ABCC6: variants seen among roughly 807,000 people sequenced by gnomAD.
ABCC6 encodes the protein ATP binding cassette subfamily C member 6.
A neutral mutation model predicts 169.5 loss-of-function variants in ABCC6; 126 were observed. The observed-to-expected ratio is 0.74, with a 90% confidence interval of 0.64 to 0.86. The LOEUF (loss-of-function observed/expected upper bound fraction) is 0.86, where lower values mean the gene tolerates loss of function less well. ABCC6 is among the 40% of genes least tolerant of loss of function. The pLI, the probability that ABCC6 is intolerant of heterozygous loss-of-function variation, is 0.00. For synonymous variants in ABCC6, 752 were observed against 814.7 expected (o/e 0.92, Z 1.31); for missense variants, 1,733 against 1,927.2 (o/e 0.90, Z 1.89).
chr16:16,214,539 C>T, intron 4 of ABCC6, 90 bp from the exon 5 acceptor site: 1 of 1,547,272 alleles, frequency 6.5e-7, no homozygotes, highest in Non-Finnish European at 8.7e-7. Context: ...TCAGTGCCCA[C>T]TCTGGGGACC....
intron 21 of ABCC6, among the ~76,000 whole-genome samples, chr16:16,170,662 C>T (rs752207458): frequency 3.6e-4 from 54 of 152,028 alleles, no homozygotes; most frequent in Non-Finnish European, 6.9e-4. Context: ...GTGGCTCATA[C>T]CTGTAAGCAC....
chr16:16,223,133 T>TGG, intron 1 of ABCC6: 1 of 591,858 alleles, frequency 1.7e-6, no homozygotes, highest in Middle Eastern at 4.5e-4. Context: ...TAGGAGGGCT[T>TGG]GGGGGACCCA....
At position 16,150,073 on chromosome 16, in the gene ABCC6, A is replaced by G. The variant is rs1031617166; in HGVS notation, c.*60T>C. The stretch of plus-strand genomic sequence containing the variant: ...CTATCGATGACCACGGGTCACTTCC[A>G]TCTCCAGCACTGCAGGCTGTGCGGG... On this transcript the variant is annotated 3_prime_UTR_variant, in exon 31 of 31. Transcript: ENST00000205557. The G allele has an allele frequency of 1.2e-6, 2 of 1,604,928 alleles. No individual in the cohort carries two copies. The highest frequency in any genetic ancestry group is 1.7e-5 in the Admixed American group (1 of 58,790).
Position 16,150,127 on chromosome 16 carries a change from C to T in ABCC6, c.*6G>A. 1 of 1,612,134 alleles carries T rather than the reference C, an allele frequency of 6.2e-7. No homozygotes were observed. Among genetic ancestry groups the T allele is most frequent in the Non-Finnish European group, 8.5e-7 (1 of 1,179,972 alleles). Reference sequence around the variant, plus strand: ...GTCCAACTGGGGTACGGTTGAGGGTCCTGGCTCAGACCAGGCCTGACTCCT... The same window carrying T: ...GTCCAACTGGGGTACGGTTGAGGGTTCTGGCTCAGACCAGGCCTGACTCCT... On this transcript the variant is annotated 3_prime_UTR_variant, in exon 31 of 31. Transcript: ENST00000205557.
chr16:16,150,147 A>T lies in ABCC6; in HGVS notation c.4498T>A (p.Ser1500Thr). 6.2e-7 allele frequency: 1 copy of T among 1,612,506 alleles called. No individual in the cohort carries two copies. Among genetic ancestry groups the T allele is most frequent in the Non-Finnish European group, 8.5e-7 (1 of 1,179,966 alleles). The change falls in exon 31 of 31, where the codon TCA (serine) becomes ACA (threonine). Residue 1500 changes from serine (S) to threonine (T), a missense_variant. Transcript: ENST00000205557. ...AGGGTCCTGGCTCAGACCAGGCCTG[A>T]CTCCTGGGCCAGTCTGTAAAACAGG... ...KGLFYRLAQESGLV is the reference protein window; with the variant it reads ...KGLFYRLAQETGLV
intron 18 of ABCC6, among the ~76,000 whole-genome samples, chr16:16,177,987 GAAAC>G (rs1028660206): frequency 2.8e-5 from 4 of 142,634 alleles, no homozygotes; most frequent in Admixed American, 1.4e-4. Context: ...GAAAAGAAAA[GAAAC>G]AAAGGAAGGA....
In ABCC6 at chr16:16,149,811, G is replaced by T; in HGVS notation, c.*322C>A. ...CAGCCTCAGAGATTCTGATTTAAGGGTCTAGCCGGGAGCCTGGGCATGTGC... is the reference window on the plus strand; with the variant it reads ...CAGCCTCAGAGATTCTGATTTAAGGTTCTAGCCGGGAGCCTGGGCATGTGC... On this transcript the variant is annotated 3_prime_UTR_variant, in exon 31 of 31. Transcript: ENST00000205557. The T allele has an allele frequency of 2.1e-6, 1 of 485,478 alleles. No homozygotes were observed. Among genetic ancestry groups the T allele is most frequent in the South Asian group, 2.2e-5 (1 of 45,622 alleles). The allele number at this position is 485,478 out of a possible 1,614,324, so 30.1% of individuals were successfully genotyped here. A position where few individuals can be genotyped will look rare whatever the true frequency, so the allele number is the denominator to read the frequency against.
chr16:16,180,701 G>A (rs1274279323), intron 17 of ABCC6, among the ~76,000 whole-genome samples: 1 of 152,076 alleles, frequency 6.6e-6, no homozygotes, highest in African/African-American at 2.4e-5. Flanking sequence ...ATGTTGGCCA[G>A]GCTGGTCTCA....
chr16:16,201,768 C>A (rs1268852992), intron 9 of ABCC6, among the ~76,000 whole-genome samples: 3 of 152,128 alleles, frequency 2.0e-5, no homozygotes, highest in Non-Finnish European at 2.9e-5. Flanking sequence ...GCGGAGGTTG[C>A]AGTGAGCCGA....
chr16:16,187,376 A>C (rs975195463), intron 13 of ABCC6, among the ~76,000 whole-genome samples, 165 bp from the exon 14 acceptor site: 4 of 152,192 alleles, frequency 2.6e-5, no homozygotes, highest in African/African-American at 9.6e-5. Context: ...ATGCAACCCG[A>C]GTGGTGACCT....
chr16:16,205,223 C>T (rs1403060769), intron 7 of ABCC6, among the ~76,000 whole-genome samples: 2 of 152,174 alleles, frequency 1.3e-5, no homozygotes, highest in Admixed American at 1.3e-4. Flanking sequence ...AGCTCACTGA[C>T]TCCCCTGGAT....
chr16:16,154,785 G>C lies in ABCC6; in HGVS notation c.4051C>G (p.Leu1351Val), dbSNP rs1219871914. The change falls in exon 29 of 31, where the codon CTG becomes GTG. Residue 1351 changes from leucine to valine, a missense_variant. By Grantham distance (32) the Leu-to-Val change is conservative (BLOSUM62 1). Around this residue, in one of 5 missense-constraint regions of ABCC6, gnomAD observed 1,601 missense variants for 1,635.5 expected, o/e 0.98. Transcript: ENST00000205557. ...RISIIPQDPILFPGSLRMNLD... is the reference protein window; with the variant it reads ...RISIIPQDPIVFPGSLRMNLD... ...TTCATCCGCAGAGAGCCAGGGAACA[G>C]GATGGGGTCCTGGCGGGGAGGGGCG... The C allele has an allele frequency of 6.2e-7, 1 of 1,612,260 alleles. No individual in the cohort carries two copies. Among genetic ancestry groups the C allele is most frequent in the Non-Finnish European group, 8.5e-7 (1 of 1,179,400 alleles).
chr16:16,183,863 C>T (rs1317270744), intron 15 of ABCC6, among the ~76,000 whole-genome samples: 1 of 152,072 alleles, frequency 6.6e-6, no homozygotes, highest in Non-Finnish European at 1.5e-5. Flanking sequence ...CAGGCACTCT[C>T]CTGCCCCAGG....
chr16:16,150,709 G>A lies in ABCC6; in HGVS notation c.4272C>T (p.Ile1424=). The change falls in exon 30 of 31, where the codon ATC becomes ATT. Residue 1424 remains isoleucine (I), a synonymous_variant. Transcript: ENST00000205557. ...CCACGGCAGCAGTAGCCTCGTCCAG[G>A]ATGAGGATCTGGGTCTTCCGGAGAA... ...RALLRKTQIL[I]LDEATAAVDP... 2 of 1,613,974 alleles carry A rather than the reference G, an allele frequency of 1.2e-6. No homozygotes were observed. The highest frequency in any genetic ancestry group is 1.7e-6 in the Non-Finnish European group (2 of 1,179,990).
At chr16:16,218,079 ACT>A (rs1236860295) in intron 4 of ABCC6, among the ~76,000 whole-genome samples, 1 of 152,056 alleles carries the variant, frequency 6.6e-6, no homozygotes, top group Non-Finnish European at 1.5e-5. Flanking sequence ...ATAGAGCAAG[ACT>A]CTGTCTCAGA....
chr16:16,199,848 G>A (rs2152280164), intron 9 of ABCC6, among the ~76,000 whole-genome samples: 1 of 146,480 alleles, frequency 6.8e-6, no homozygotes, highest in East Asian at 2.1e-4. Context: ...CGGGTGGATT[G>A]CTTGAGGCCG....
At chr16:16,192,308 C>G (rs2047888322) in intron 11 of ABCC6, among the ~76,000 whole-genome samples, 1 of 152,032 alleles carries the variant, frequency 6.6e-6, no homozygotes, top group Non-Finnish European at 1.5e-5. Context: ...CAGCTCAGGG[C>G]GGGCCTGGTG....
rs1191785562 is a variant in ABCC6, at chr16:16,182,499, G to A, written c.2160C>T (p.Pro720=). The change falls in exon 17 of 31, where the codon CCC becomes CCT. Residue 720 remains proline (P), a synonymous_variant. Transcript: ENST00000205557. ...AGGCTTCTAGTACTCTCTCCAGCCA[G>A]GGTGGGTCCAGCTCCTGCCCGAAGC... is the stretch of plus-strand genomic sequence containing the variant. ...NVCFGQELDP[P]WLERVLEACA... 16 of 1,614,066 alleles carry A rather than the reference G, an allele frequency of 9.9e-6. No homozygotes were observed. The highest frequency in any genetic ancestry group is 1.4e-5 in the Non-Finnish European group (16 of 1,180,028).
Position 16,150,786 on chromosome 16 carries a change from G to A in ABCC6, c.4209-14C>T. The stretch of plus-strand genomic sequence containing the variant: ...TTCTGGCCCACGCTGGGAACGATTG[G>A]GACAATTAGCTGGGACGTGCGTTTG... On this transcript the variant is annotated splice_polypyrimidine_tract_variant and intron_variant, in intron 29 of 30. Transcript: ENST00000205557. 6.2e-7 allele frequency: 1 copy of A among 1,612,800 alleles called. No homozygotes were observed.
Sources: allele counts gnomAD v4.1 joint callset (sites outside exome capture counted in the v4.1 genomes callset), GRCh38; gene constraint gnomAD v4.1.1; regional missense constraint gnomAD v4.1.1; transcripts MANE v1.5; gene names NCBI Gene and HGNC (gene_info 2026-07-23, HGNC 2026-07-21).